The following GRAMD1C variants were observed in gnomAD, a reference collection of about 807,000 sequenced individuals.
The protein encoded by GRAMD1C is protein Aster-C.
In GRAMD1C, 89 loss-of-function variants were observed where a neutral mutation model predicts 97.8. The observed-to-expected ratio is 0.91, with a 90% CI of 0.77 to 1.09. The LOEUF (loss-of-function observed/expected upper bound fraction) is 1.09, where lower values mean the gene tolerates loss of function less well. Among genes scored for constraint, GRAMD1C ranks in the 50% least tolerant of loss-of-function variants. GRAMD1C has a pLI of 0.00. For synonymous variants in GRAMD1C, 256 were observed against 267.0 expected (o/e 0.96, Z 0.40); for missense variants, 740 against 766.4 (o/e 0.97, Z 0.41).
At chr3:113,895,643 G>A (rs917958616) in intron 6 of GRAMD1C, among the ~76,000 whole-genome samples, 7 of 152,076 alleles carry the variant, frequency 4.6e-5, no homozygotes, top group African/African-American at 9.7e-5. Context: ...TATTTGTCAC[G>A]TTTGCTATGT....
At chr3:113,890,884 GAGA>G (rs1935699697) in intron 6 of GRAMD1C, 2 of 544,496 alleles carry the variant, frequency 3.7e-6, no homozygotes, top group African/African-American at 1.9e-5. Context: ...TCTCTGAAGT[GAGA>G]AGAAGAAAGG....
chr3:113,901,179 A>G (rs752474559), intron 7 of GRAMD1C, 33 bp downstream of exon 7: 3 of 1,040,440 alleles, frequency 2.9e-6, no homozygotes, highest in Non-Finnish European at 4.5e-6. Flanking sequence ...GTCAAAATTT[A>G]TCAATTATTA....
chr3:113,913,429 C>CAAA (rs765510213), intron 9 of GRAMD1C, among the ~76,000 whole-genome samples: 107 of 67,940 alleles, frequency 1.6e-3, no homozygotes, highest in African/African-American at 2.7e-3. Flanking sequence ...ACTCTGTCTC[C>CAAA]AAAAAAAAAA....
Position 113,945,769 on chromosome 3 carries a change from C to T in GRAMD1C, c.*291C>T, listed in dbSNP as rs1447114448. On this transcript the variant is annotated 3_prime_UTR_variant, in exon 18 of 18. Transcript: ENST00000358160. ...CTGATACAAAAAGAAAATGACACAC[C>T]CTGAATTGAGTGGTATGGTCTCATT... The T allele has an allele frequency of 3.1e-6, 1 of 322,612 alleles. No individual in the cohort carries two copies. The highest frequency in any genetic ancestry group is 5.7e-6 in the Non-Finnish European group (1 of 175,298). The allele number at this position is 322,612 out of a possible 1,614,324, so 20.0% of individuals were successfully genotyped here. A position where few individuals can be genotyped will look rare whatever the true frequency, so the allele number is the denominator to read the frequency against.
At chr3:113,891,449 C>T (rs1308625011) in intron 6 of GRAMD1C, among the ~76,000 whole-genome samples, 1 of 151,838 alleles carries the variant, frequency 6.6e-6, no homozygotes, top group Non-Finnish European at 1.5e-5. Context: ...AGTCATAAAG[C>T]CACATTGGTT....
intron 12 of GRAMD1C, 64 bp from the exon 13 acceptor site, chr3:113,934,368 T>C (rs1937537241): frequency 5.2e-6 from 4 of 764,598 alleles, no homozygotes; most frequent in Admixed American, 5.1e-5. Flanking sequence ...TACATTTAAC[T>C]GTAACATGAA....
In GRAMD1C at chr3:113,838,861, T is replaced by G. The variant is rs866708169; in HGVS notation, c.-49T>G. On this transcript the variant is annotated 5_prime_UTR_variant, in exon 1 of 18. Coordinates refer to ENST00000358160, the MANE Select transcript of GRAMD1C (RefSeq NM_017577.5). ...CGCGCTGGAGGTGGGCGCGGGGCGG[T>G]GCGGTGCGGTGCGCGCGGGGCGGTG... 27 of 1,208,770 alleles carry G rather than the reference T, an allele frequency of 2.2e-5. No individual in the cohort carries two copies. In the East Asian group the frequency reaches 4.8e-4, roughly 22 times the overall value. The allele number at this position is 1,208,770 out of a possible 1,614,324, so 74.9% of individuals were successfully genotyped here.
intron 7 of GRAMD1C, among the ~76,000 whole-genome samples, chr3:113,903,819 T>C (rs1026577607): frequency 6.6e-6 from 1 of 151,872 alleles, no homozygotes; most frequent in Non-Finnish European, 1.5e-5. Context: ...GTCCAAGCTT[T>C]GTGGTTGTAC....
chr3:113,912,341 T>C (rs1352649365), intron 9 of GRAMD1C, among the ~76,000 whole-genome samples: 1 of 152,234 alleles, frequency 6.6e-6, no homozygotes, highest in Non-Finnish European at 1.5e-5. Flanking sequence ...ACTATGTTAA[T>C]GTGTTTTCCT....
chr3:113,853,275 T>C (rs956208352), intron 2 of GRAMD1C, among the ~76,000 whole-genome samples: 1 of 152,180 alleles, frequency 6.6e-6, no homozygotes, highest in African/African-American at 2.4e-5. Context: ...GTGAAAGATA[T>C]ATACGTATTA....
chr3:113,844,544 G>C lies in GRAMD1C; in HGVS notation c.69G>C (p.Gln23His). The change falls in exon 2 of 18, where the codon CAG becomes CAC. Residue 23 changes from glutamine (Q) to histidine (H), a missense_variant. Physicochemically the swap from Gln to His is conservative, Grantham distance 24. Transcript: ENST00000358160. ...EGDSSLATDL[Q>H]EDVEENPSPT... is the part of the protein sequence containing the mutation. Reference sequence around the variant, plus strand: ...ATTCAAGCCTTGCCACCGACTTACAGGAAGATGTAGAGGAAAATCCTAGTC... The same window carrying C: ...ATTCAAGCCTTGCCACCGACTTACACGAAGATGTAGAGGAAAATCCTAGTC... The C allele has an allele frequency of 6.2e-7, 1 of 1,605,628 alleles. No homozygotes were observed.
rs144113507 is a variant in GRAMD1C at position 113,934,440 on chromosome 3, C to T, written c.1361C>T (p.Thr454Ile). The change falls in exon 13 of 18, where the codon ACA (threonine) becomes ATA (isoleucine). Residue 454 changes from threonine (T) to isoleucine (I), a missense_variant. Coordinates refer to ENST00000358160, the MANE Select transcript of GRAMD1C (RefSeq NM_017577.5). ...CCTTCTTATTCTACTAGAGTTTCCA[C>T]AGATTTGAAATACAGAAAACAGCCA... Reference protein sequence around the residue: ...SKQKCRLRVSTDLKYRKQPWG... With the variant: ...SKQKCRLRVSIDLKYRKQPWG... 37 of 1,476,922 alleles carry T rather than the reference C, an allele frequency of 2.5e-5. No homozygotes were observed. In the African/African-American group the frequency reaches 4.0e-4, roughly 16 times the overall value. 91.5% of individuals were successfully genotyped at this position (1,476,922 alleles called of 1,614,324 possible).
intron 2 of GRAMD1C, among the ~76,000 whole-genome samples, chr3:113,859,484 G>A (rs934681678): frequency 6.6e-6 from 1 of 152,110 alleles, no homozygotes; most frequent in Admixed American, 6.6e-5. Context: ...ATTTGTTGAG[G>A]TATGGCTGAG....
At chr3:113,851,097 C>A (rs751685052) in intron 2 of GRAMD1C, among the ~76,000 whole-genome samples, 1 of 152,112 alleles carries the variant, frequency 6.6e-6, no homozygotes, top group Non-Finnish European at 1.5e-5. Flanking sequence ...CCACTGCACC[C>A]GGCCTATACT....
At chr3:113,911,618 C>T (rs1577195478) in intron 9 of GRAMD1C, among the ~76,000 whole-genome samples, 2 of 143,980 alleles carry the variant, frequency 1.4e-5, no homozygotes, top group East Asian at 2.0e-4. Context: ...TCCCTCCTTC[C>T]CTTCCCTTCT....
At chr3:113,939,615 A>C in intron 15 of GRAMD1C, 1 of 284,052 alleles carries the variant, frequency 3.5e-6, no homozygotes, top group Non-Finnish European at 6.6e-6. Context: ...CAGAGGGGAG[A>C]GATGTCACAG....
chr3:113,922,472 C>T (rs1937095264), intron 10 of GRAMD1C, among the ~76,000 whole-genome samples: 1 of 152,158 alleles, frequency 6.6e-6, no homozygotes, highest in Admixed American at 6.5e-5. Context: ...AGGAAGGGGG[C>T]TAGTTTCAAT....
intron 10 of GRAMD1C, among the ~76,000 whole-genome samples, chr3:113,919,006 A>T (rs895125275): frequency 6.6e-6 from 1 of 152,180 alleles, no homozygotes; most frequent in Admixed American, 6.5e-5. Context: ...ATTTCTTGAG[A>T]TCGAGTTTCA....
intron 2 of GRAMD1C, among the ~76,000 whole-genome samples, chr3:113,850,950 G>C (rs13078956): frequency 0.29 from 44,112 of 151,334 alleles, 7,661 homozygotes; most frequent in Non-Finnish European, 0.37. Context: ...CTACAGGCGC[G>C]TGCCACCACG....
Sources: gnomAD v4.1 joint callset for allele counts (sites outside exome capture counted in the v4.1 genomes callset) on GRCh38, gnomAD v4.1.1 for gene constraint, MANE v1.5 for transcripts, NCBI Gene and HGNC (gene_info 2026-07-23, HGNC 2026-07-21) for gene names.